The following RAB38 variants were observed in gnomAD, a reference collection of about 807,000 sequenced individuals.
RAB38 encodes the protein ras-related protein Rab-38.
In RAB38, 15 loss-of-function variants were observed where a neutral mutation model predicts 18.4. The observed-to-expected ratio is 0.82, with a 90% CI of 0.55 to 1.26. The LOEUF (loss-of-function observed/expected upper bound fraction) is 1.26, where lower values mean the gene tolerates loss of function less well. RAB38 is among the 50% of genes most tolerant of loss of function. The pLI, the probability that RAB38 is intolerant of heterozygous loss-of-function variation, is 0.00. For missense variants in RAB38, 294 were observed against 267.4 expected (o/e 1.10, Z -0.69); for synonymous variants, 101 against 104.4 (o/e 0.97, Z 0.20).
chr11:88,064,276 G>A, the RAB38 span, among the ~76,000 whole-genome samples: 1 of 152,222 alleles, frequency 6.6e-6, no homozygotes, highest in African/African-American at 2.4e-5. Flanking sequence ...ATGTTCACAA[G>A]TTCCACTTCC....
At chr11:88,074,333 A>G in the RAB38 span, among the ~76,000 whole-genome samples, 1 of 152,226 alleles carries the variant, frequency 6.6e-6, no homozygotes, top group African/African-American at 2.4e-5. Flanking sequence ...CAATAGCTAC[A>G]GCAGCTTGTT....
intron 1 of RAB38, among the ~76,000 whole-genome samples, chr11:88,163,600 A>G (rs1345186598): frequency 2.0e-5 from 3 of 152,186 alleles, no homozygotes; most frequent in African/African-American, 4.8e-5. Context: ...AGTATATTGA[A>G]TTAAGTAAGC....
At chr11:88,016,186 A>T in the RAB38 span, among the ~76,000 whole-genome samples, 1 of 152,168 alleles carries the variant, frequency 6.6e-6, no homozygotes, top group Non-Finnish European at 1.5e-5. Context: ...TATTGTCTAA[A>T]CAGGCAGAGT....
the RAB38 span, among the ~76,000 whole-genome samples, chr11:88,013,940 T>TAGC: frequency 6.6e-6 from 1 of 152,018 alleles, no homozygotes; most frequent in Non-Finnish European, 1.5e-5. Flanking sequence ...AATACCAGAA[T>TAGC]AGCAGCAGCA....
chr11:87,850,979 G>A, the RAB38 span, among the ~76,000 whole-genome samples: 1 of 152,156 alleles, frequency 6.6e-6, no homozygotes, highest in Non-Finnish European at 1.5e-5. Flanking sequence ...GACTGATTCA[G>A]CTATGACAGC....
chr11:87,818,550 G>A, the RAB38 span, among the ~76,000 whole-genome samples: 1 of 152,036 alleles, frequency 6.6e-6, no homozygotes, highest in Non-Finnish European at 1.5e-5. Flanking sequence ...CCAGAGCATA[G>A]GCTTGACACA....
At chr11:87,960,199 A>G in the RAB38 span, among the ~76,000 whole-genome samples, 1 of 152,104 alleles carries the variant, frequency 6.6e-6, no homozygotes, top group African/African-American at 2.4e-5. Context: ...ACCACCTGGA[A>G]AGCTTATTAC....
chr11:87,937,041 C>G, the RAB38 span, among the ~76,000 whole-genome samples: 1 of 151,696 alleles, frequency 6.6e-6, no homozygotes, highest in Non-Finnish European at 1.5e-5. Context: ...ATATCCTTGC[C>G]TTATTCTTGC....
At chr11:87,957,168 C>T in the RAB38 span, among the ~76,000 whole-genome samples, 1 of 151,990 alleles carries the variant, frequency 6.6e-6, no homozygotes, top group South Asian at 2.1e-4. Flanking sequence ...CCCTTTGTCC[C>T]TTAGGTGGTC....
At chr11:87,806,549 G>C in the RAB38 span, among the ~76,000 whole-genome samples, 1 of 152,050 alleles carries the variant, frequency 6.6e-6, no homozygotes, top group Non-Finnish European at 1.5e-5. Context: ...AACATTCAGA[G>C]TATAGAAGCA....
downstream of RAB38, among the ~76,000 whole-genome samples, chr11:88,111,504 T>A (rs1942473403): frequency 6.6e-6 from 1 of 152,170 alleles, no homozygotes; most frequent in South Asian, 2.1e-4. Flanking sequence ...AGACCTCCAA[T>A]TATGGAAAAC....
intron 1 of RAB38, among the ~76,000 whole-genome samples, chr11:88,170,230 C>T (rs1056070155): frequency 9.9e-5 from 15 of 152,158 alleles, no homozygotes; most frequent in African/African-American, 3.1e-4. Context: ...TGTTATTTTA[C>T]GTGGCATTTA....
At chr11:88,032,298 A>C in the RAB38 span, among the ~76,000 whole-genome samples, 6 of 152,256 alleles carry the variant, frequency 3.9e-5, no homozygotes, top group African/African-American at 1.4e-4. Context: ...CCTAGGCATT[A>C]CTATTCAGGA....
chr11:87,864,117 ATTC>A, the RAB38 span, among the ~76,000 whole-genome samples: 2 of 151,636 alleles, frequency 1.3e-5, no homozygotes, highest in East Asian at 3.9e-4. Flanking sequence ...GAAGCTAATT[ATTC>A]TTAACCAGGG....
chr11:87,874,004 G>A, the RAB38 span, among the ~76,000 whole-genome samples: 1 of 146,960 alleles, frequency 6.8e-6, no homozygotes, highest in Non-Finnish European at 1.5e-5. Flanking sequence ...CTCAATCTGT[G>A]GTTTCCCTTT....
At chr11:87,951,997 A>G in the RAB38 span, among the ~76,000 whole-genome samples, 1 of 152,032 alleles carries the variant, frequency 6.6e-6, no homozygotes, top group Non-Finnish European at 1.5e-5. Context: ...AGCTGTTCCT[A>G]TTCGGCCATC....
the RAB38 span, among the ~76,000 whole-genome samples, chr11:88,050,645 T>C: frequency 6.6e-6 from 1 of 152,246 alleles, no homozygotes; most frequent in Admixed American, 6.5e-5. Flanking sequence ...TATTGCTTTT[T>C]CCCCTAGAAT....
the RAB38 span, among the ~76,000 whole-genome samples, chr11:88,011,008 C>G: frequency 6.6e-6 from 1 of 152,128 alleles, no homozygotes; most frequent in Non-Finnish European, 1.5e-5. Context: ...AAATTTGTCT[C>G]CCTGGCATTT....
chr11:87,816,686 A>G, the RAB38 span, among the ~76,000 whole-genome samples: 1 of 152,056 alleles, frequency 6.6e-6, no homozygotes, highest in African/African-American at 2.4e-5. Flanking sequence ...ATATATACAT[A>G]CGTGTGTGTG....
Sources: gnomAD v4.1 joint callset for allele counts (sites outside exome capture counted in the v4.1 genomes callset) on GRCh38, gnomAD v4.1.1 for gene constraint, MANE v1.5 for transcripts, NCBI Gene and HGNC (gene_info 2026-07-23, HGNC 2026-07-21) for gene names.